The following DDR2 variants were observed in gnomAD, a reference collection of about 807,000 sequenced individuals.
The protein encoded by DDR2 is discoidin domain-containing receptor 2.
A neutral mutation model predicts 94.9 loss-of-function variants in DDR2; 27 were observed. The observed-to-expected ratio is 0.28, with a 90% CI of 0.21 to 0.39. DDR2 has a LOEUF of 0.39. DDR2 is among the 10% of genes least tolerant of loss of function. The probability of loss-of-function intolerance (pLI) is 1.00; values close to 1 mark genes in which losing one functional copy is unlikely to be tolerated. For synonymous variants in DDR2, 382 were observed against 377.2 expected, an observed-to-expected ratio of 1.01 and a Z score of -0.15; for missense variants, 783 against 1,076.0, an observed-to-expected ratio of 0.73 and a Z score of 3.81.
At chr1:162,670,997 T>A (rs185699205) in intron 2 of DDR2, among the ~76,000 whole-genome samples, 1 of 152,304 alleles carries the variant, frequency 6.6e-6, no homozygotes, top group Admixed American at 6.5e-5. Context: ...TTTCTTCATG[T>A]GCCAGGAGGT....
chr1:162,675,634 G>T (rs1378753028), intron 2 of DDR2, among the ~76,000 whole-genome samples: 1 of 152,194 alleles, frequency 6.6e-6, no homozygotes, highest in Admixed American at 6.5e-5. Flanking sequence ...AATATAAGTG[G>T]CAGAAAGACA....
intron 1 of DDR2, among the ~76,000 whole-genome samples, chr1:162,645,503 AT>A (rs1657363189): frequency 1.3e-5 from 2 of 152,234 alleles, no homozygotes; most frequent in African/African-American, 4.8e-5. Context: ...TAAAATTTAA[AT>A]TATTTTAATG....
Position 162,719,130 on chromosome 1 carries a change from G to GCTCA in DDR2, c.68_71dup (p.Gln24HisfsTer4), listed in dbSNP as rs773288581. 1 of 1,613,730 alleles carries GCTCA rather than the reference G, an allele frequency of 6.2e-7. No homozygotes were observed. Among genetic ancestry groups the GCTCA allele is most frequent in the Admixed American group, 1.7e-5 (1 of 60,000 alleles). ...GCTGCCTATCTTGAGTTCTGCAAAA[G>GCTCA]CTCAGGTTAATCCAGGTAACATGGC... On this transcript the variant is annotated frameshift_variant, in exon 3 of 18. Coordinates refer to ENST00000367921, the MANE Select transcript of DDR2 (RefSeq NM_006182.4). LOFTEE classifies it high-confidence loss of function.
At chr1:162,777,352 T>C (rs1647625027) in intron 16 of DDR2, among the ~76,000 whole-genome samples, 1 of 152,182 alleles carries the variant, frequency 6.6e-6, no homozygotes, top group African/African-American at 2.4e-5. Context: ...TATTTTTAAC[T>C]TAACATTTTA....
intron 3 of DDR2, among the ~76,000 whole-genome samples, chr1:162,721,765 G>C (rs974292147): frequency 5.9e-5 from 9 of 152,164 alleles, no homozygotes; most frequent in Non-Finnish European, 1.3e-4. Flanking sequence ...ATAACAAATA[G>C]AACTTAAGCC....
intron 2 of DDR2, among the ~76,000 whole-genome samples, chr1:162,713,508 C>T (rs1661020504): frequency 1.3e-5 from 2 of 152,270 alleles, no homozygotes; most frequent in African/African-American, 4.8e-5. Flanking sequence ...TGGAGGGAAC[C>T]ACTGCTGTCA....
chr1:162,683,179 G>A (rs1039103235), intron 2 of DDR2, among the ~76,000 whole-genome samples: 9 of 152,020 alleles, frequency 5.9e-5, no homozygotes, highest in Non-Finnish European at 1.2e-4. Flanking sequence ...CGGCAAGTTA[G>A]GAATAGAATA....
chr1:162,632,978 A>G (rs1656633864), intron 1 of DDR2, among the ~76,000 whole-genome samples: 1 of 152,262 alleles, frequency 6.6e-6, no homozygotes, highest in South Asian at 2.1e-4. Flanking sequence ...AGTTAGTTTC[A>G]GGATGAAGAA....
intron 2 of DDR2, among the ~76,000 whole-genome samples, chr1:162,662,418 G>A (rs569713754): frequency 6.6e-6 from 1 of 152,146 alleles, no homozygotes; most frequent in African/African-American, 2.4e-5. Flanking sequence ...CTGCAGGTTA[G>A]GTTGGACATT....
intron 1 of DDR2, among the ~76,000 whole-genome samples, chr1:162,650,482 G>A (rs1460696273): frequency 6.6e-6 from 1 of 152,110 alleles, no homozygotes; most frequent in Non-Finnish European, 1.5e-5. Context: ...TGTAATCTCA[G>A]CTACTCAGGA....
At chr1:162,768,734 G>T (rs761860450) in intron 11 of DDR2, among the ~76,000 whole-genome samples, 3 of 152,178 alleles carry the variant, frequency 2.0e-5, no homozygotes, top group Non-Finnish European at 2.9e-5. Context: ...ATATTTCATG[G>T]AAGAGAAGGT....
intron 2 of DDR2, among the ~76,000 whole-genome samples, chr1:162,687,811 C>T (rs188325730): frequency 1.3e-5 from 2 of 152,230 alleles, no homozygotes; most frequent in South Asian, 4.1e-4. Flanking sequence ...CATACCTGGT[C>T]CTGCAACAAA....
At chr1:162,673,102 T>C (rs1254118294) in intron 2 of DDR2, among the ~76,000 whole-genome samples, 1 of 152,222 alleles carries the variant, frequency 6.6e-6, no homozygotes, top group African/African-American at 2.4e-5. Context: ...ATAAAGACAT[T>C]AATTTTGTAG....
intron 3 of DDR2, chr1:162,741,675 C>A: frequency 1.0e-6 from 1 of 985,246 alleles, no homozygotes; most frequent in Non-Finnish European, 1.2e-6. Context: ...CCAGGAGGTG[C>A]CTGAGGGAGA....
In DDR2 at chr1:162,780,480, C is replaced by T. The variant is rs1420998397; in HGVS notation, c.*234C>T. On this transcript the variant is annotated 3_prime_UTR_variant, in exon 18 of 18. Coordinates refer to ENST00000367921, the MANE Select transcript of DDR2 (RefSeq NM_006182.4). ...GAAAAAAAAAAGCCTAGGGCAGATA[C>T]AATCTAGTAAAAGAAAATCTTTGAT... 7.8e-6 allele frequency: 4 copies of T among 515,760 alleles called. No homozygotes were observed. The highest frequency in any genetic ancestry group is 1.3e-5 in the Non-Finnish European group (4 of 299,470). The allele number at this position is 515,760 out of a possible 1,614,324, so 31.9% of individuals were successfully genotyped here.
chr1:162,656,694 G>A (rs1210414848), intron 2 of DDR2, among the ~76,000 whole-genome samples: 1 of 151,666 alleles, frequency 6.6e-6, no homozygotes, highest in Non-Finnish European at 1.5e-5. Flanking sequence ...ATAATTCATT[G>A]CTATGCTTCA....
intron 2 of DDR2, among the ~76,000 whole-genome samples, chr1:162,663,560 G>C (rs1262378282): frequency 6.6e-6 from 1 of 152,170 alleles, no homozygotes; most frequent in African/African-American, 2.4e-5. Flanking sequence ...TGATCTTGCT[G>C]TAATGTATGA....
Position 162,787,016 on chromosome 1 carries a change from T to C in DDR2, c.*6770T>C, listed in dbSNP as rs2102222544. ...TATGAAAACCAGAATTTAGACTCAG[T>C]CATTATACTAGAGATTAGAATGAAA... On this transcript the variant is annotated 3_prime_UTR_variant, in exon 18 of 18. Coordinates refer to ENST00000367921, the MANE Select transcript of DDR2 (RefSeq NM_006182.4). 1 of 152,286 alleles carries C rather than the reference T, an allele frequency of 6.6e-6. No individual in the cohort carries two copies. The highest frequency in any genetic ancestry group is 1.9e-4 in the East Asian group (1 of 5,186). 9.4% of individuals were successfully genotyped at this position (152,286 alleles called of 1,614,324 possible).
At chr1:162,656,801 T>C (rs989505441) in intron 2 of DDR2, among the ~76,000 whole-genome samples, 3 of 150,062 alleles carry the variant, frequency 2.0e-5, no homozygotes, top group African/African-American at 2.4e-5. Context: ...TCAGAAACTA[T>C]CACTGTGGTC....
Sources: gnomAD v4.1 joint callset for allele counts (sites outside exome capture counted in the v4.1 genomes callset) on GRCh38, gnomAD v4.1.1 for gene constraint, MANE v1.5 for transcripts, NCBI Gene and HGNC (gene_info 2026-07-23, HGNC 2026-07-21) for gene names.